GPC5: variants seen among roughly 807,000 people sequenced by gnomAD.
GPC5 encodes glypican 5.
A neutral mutation model predicts 53.9 loss-of-function variants in GPC5; 47 were observed. The observed-to-expected ratio is 0.87, with a 90% CI of 0.69 to 1.11. The LOEUF is 1.11. Among genes scored for constraint, GPC5 ranks in the 50% most tolerant of loss-of-function variants. The pLI, the probability that GPC5 is intolerant of heterozygous loss-of-function variation, is 0.00. For missense variants in GPC5, 748 were observed against 713.1 expected, an observed-to-expected ratio of 1.05 and a Z score of -0.56; for synonymous variants, 286 against 263.3, an observed-to-expected ratio of 1.09 and a Z score of -0.84.
intron 2 of GPC5, among the ~76,000 whole-genome samples, chr13:91,498,756 A>T (rs1400271733): frequency 6.6e-6 from 1 of 152,004 alleles, no homozygotes; most frequent in Non-Finnish European, 1.5e-5. Flanking sequence ...GGATCATTTG[A>T]GGTCAAAGTT....
rs1280947427 is a variant in GPC5 at position 92,576,893 on chromosome 13, C to T, written c.1562-289389C>T. ...CTTCACCTGTATATAGCTTGTTTTC[C>T]TATTGCAATTACAAATTCAATGGAG... On this transcript the variant is annotated intron_variant, in intron 7 of 7. Coordinates refer to ENST00000377067, the MANE Select transcript of GPC5 (RefSeq NM_004466.6). Among the ~76,000 whole-genome samples the T allele has an allele frequency of 2.0e-5, 3 of 152,112 alleles. No individual in the cohort carries two copies. The South Asian group carries it at 6.2e-4, about 32-fold the overall frequency.
intron 7 of GPC5, among the ~76,000 whole-genome samples, chr13:92,281,826 A>G (rs1048117272): frequency 2.6e-5 from 4 of 152,168 alleles, no homozygotes; most frequent in Non-Finnish European, 5.9e-5. Context: ...TGAAAATTCT[A>G]AAAATCAGAC....
In GPC5 at chr13:91,448,750, G is replaced by T; in HGVS notation, c.164-11G>T. On this transcript the variant is annotated splice_polypyrimidine_tract_variant and intron_variant, in intron 1 of 7. Transcript: ENST00000377067. ...ACAGGTAATCATTCTGAAAAATGTTGTGTGTTCCAGGACCTGATCTTCAGG... is the reference window on the plus strand; with the variant it reads ...ACAGGTAATCATTCTGAAAAATGTTTTGTGTTCCAGGACCTGATCTTCAGG... 1 of 1,608,236 alleles carries T rather than the reference G, an allele frequency of 6.2e-7. No homozygotes were observed. The highest frequency in any genetic ancestry group is 8.5e-7 in the Non-Finnish European group (1 of 1,178,028).
intron 2 of GPC5, among the ~76,000 whole-genome samples, chr13:91,482,137 A>G (rs1048978234): frequency 2.0e-5 from 3 of 152,190 alleles, no homozygotes; most frequent in Non-Finnish European, 4.4e-5. Flanking sequence ...TTTATTCTCA[A>G]TAAAATAGTG....
chr13:92,740,339 T>C (rs1034112562), intron 7 of GPC5, among the ~76,000 whole-genome samples: 9 of 152,108 alleles, frequency 5.9e-5, no homozygotes, highest in Non-Finnish European at 1.0e-4. Context: ...CATTTATCAA[T>C]TGAATAAATA....
At chr13:91,409,321 G>C (rs1466904800) in intron 1 of GPC5, among the ~76,000 whole-genome samples, 2 of 152,092 alleles carry the variant, frequency 1.3e-5, no homozygotes, top group African/African-American at 4.8e-5. Context: ...AAGGGAATAA[G>C]AAAAACATGG....
chr13:92,731,165 G>A (rs903657242), intron 7 of GPC5, among the ~76,000 whole-genome samples: 1 of 151,432 alleles, frequency 6.6e-6, no homozygotes, highest in African/African-American at 2.4e-5. Flanking sequence ...AGAAAAAGAG[G>A]AAAAACAAAA....
In GPC5 at chr13:91,909,986, T is replaced by A. The variant is rs147261960; in HGVS notation, c.1401+1929T>A. ...GAATGTGAAGATGGCCAATTATTCA[T>A]GCTTAAGTTTCATTCTGGGGTTGCA... On this transcript the variant is annotated intron_variant, in intron 6 of 7. Transcript: ENST00000377067. Among the ~76,000 whole-genome samples, 560 of 152,294 alleles carry A rather than the reference T, an allele frequency of 3.7e-3. 8 individuals are homozygous for A. The highest frequency in any genetic ancestry group is 0.013 in the African/African-American group (538 of 41,580).
chr13:91,944,354 C>T (rs2039956343), intron 6 of GPC5, among the ~76,000 whole-genome samples: 2 of 152,120 alleles, frequency 1.3e-5, no homozygotes, highest in Admixed American at 6.5e-5. Context: ...CTTCAGCCTC[C>T]CAAAGTTCTG....
intron 6 of GPC5, among the ~76,000 whole-genome samples, chr13:91,990,591 T>A (rs1307842357): frequency 6.6e-6 from 1 of 152,232 alleles, no homozygotes; most frequent in Non-Finnish European, 1.5e-5. Flanking sequence ...TTAATACATT[T>A]AAAAATATAT....
chr13:92,027,575 A>AT (rs1263501929), intron 6 of GPC5, among the ~76,000 whole-genome samples: 2 of 152,138 alleles, frequency 1.3e-5, no homozygotes, highest in African/African-American at 4.8e-5. Flanking sequence ...CATTTCCACA[A>AT]TGTCTCTGTA....
chr13:91,466,511 G>A (rs1351351725), intron 2 of GPC5, among the ~76,000 whole-genome samples: 5 of 152,106 alleles, frequency 3.3e-5, no homozygotes, highest in African/African-American at 9.7e-5. Context: ...GGTTTAATTG[G>A]TGCTGTTTTA....
At position 91,867,449 on chromosome 13, in the gene GPC5, T is replaced by C. The variant is rs535705666; in HGVS notation, c.1281-40488T>C. ...TGCTCAGTGTTTTCCTCTGTGTCAC[T>C]TACTAAAACATAGAAAAGAAATCAT... On this transcript the variant is annotated intron_variant, in intron 5 of 7. Coordinates refer to ENST00000377067, the MANE Select transcript of GPC5 (RefSeq NM_004466.6). 2.6e-5 allele frequency among the ~76,000 whole-genome samples: 4 copies of C among 152,314 alleles called. No individual in the cohort carries two copies. In the East Asian group the frequency reaches 5.8e-4, roughly 22 times the overall value.
At chr13:92,495,141 C>A (rs1302293393) in intron 7 of GPC5, among the ~76,000 whole-genome samples, 1 of 152,140 alleles carries the variant, frequency 6.6e-6, no homozygotes, top group Non-Finnish European at 1.5e-5. Context: ...CCTCTCAGCA[C>A]GCTGAAAATA....
intron 7 of GPC5, among the ~76,000 whole-genome samples, chr13:92,751,665 G>A (rs1391914941): frequency 6.6e-6 from 1 of 151,928 alleles, no homozygotes; most frequent in African/African-American, 2.4e-5. Flanking sequence ...GTTAATGGGT[G>A]CAGCACAGCA....
intron 6 of GPC5, among the ~76,000 whole-genome samples, chr13:91,934,025 C>T (rs1279470989): frequency 6.6e-6 from 1 of 151,830 alleles, no homozygotes; most frequent in Admixed American, 6.6e-5. Context: ...AGCTATGCTT[C>T]CCTGGGACCC....
intron 4 of GPC5, among the ~76,000 whole-genome samples, chr13:91,732,588 G>A (rs1318497152): frequency 1.3e-5 from 2 of 152,034 alleles, no homozygotes; most frequent in Admixed American, 1.3e-4. Context: ...TTATCATGAT[G>A]TCTTTGGCCA....
chr13:92,428,297 G>A (rs997568979), intron 7 of GPC5, among the ~76,000 whole-genome samples: 1 of 152,024 alleles, frequency 6.6e-6, no homozygotes. Context: ...GTTTCGCTTT[G>A]ACAAAGAAAA....
chr13:91,557,514 A>G (rs1643312359), intron 2 of GPC5, among the ~76,000 whole-genome samples: 1 of 152,130 alleles, frequency 6.6e-6, no homozygotes, highest in Non-Finnish European at 1.5e-5. Context: ...GCTGATGTCC[A>G]GCCCCAGGGC....
Sources: gnomAD v4.1 joint callset for allele counts (sites outside exome capture counted in the v4.1 genomes callset) on GRCh38, gnomAD v4.1.1 for gene constraint, MANE v1.5 for transcripts, NCBI Gene and HGNC (gene_info 2026-07-23, HGNC 2026-07-21) for gene names.